PDS5B: variants seen among roughly 807,000 people sequenced by gnomAD.
The protein encoded by PDS5B is sister chromatid cohesion protein PDS5 homolog B.
PDS5B carries 51 observed loss-of-function variants against 184.1 expected under a neutral mutation model. That is an observed-to-expected ratio of 0.28 (90% CI 0.22 to 0.35). The LOEUF is 0.35. PDS5B is among the 10% of genes least tolerant of loss of function. The pLI, the probability that PDS5B is intolerant of heterozygous loss-of-function variation, is 1.00. For synonymous variants in PDS5B, 566 were observed against 569.2 expected (o/e 0.99, Z 0.08); for missense variants, 1,180 against 1,723.3 (o/e 0.68, Z 5.58).
At chr13:32,668,349 T>C (rs1950853973) in intron 7 of PDS5B, among the ~76,000 whole-genome samples, 1 of 152,150 alleles carries the variant, frequency 6.6e-6, no homozygotes, top group Non-Finnish European at 1.5e-5. Context: ...TAAATCTATC[T>C]TTTCTGGAAA....
chr13:32,649,507 G>C (rs1232951477), intron 2 of PDS5B: 1 of 152,088 alleles, frequency 6.6e-6, no homozygotes, highest in African/African-American at 2.4e-5. Flanking sequence ...AGTTTAGATG[G>C]TCTTTATTTT....
chr13:32,723,346 T>C (rs1419419372), intron 19 of PDS5B, among the ~76,000 whole-genome samples: 2 of 152,340 alleles, frequency 1.3e-5, no homozygotes, highest in East Asian at 3.9e-4. Context: ...GAGTTTTTTC[T>C]TTAGGGTTTC....
chr13:32,675,760 C>A, intron 8 of PDS5B, 84 bp from the exon 9 acceptor site: 1 of 698,006 alleles, frequency 1.4e-6, no homozygotes, highest in African/African-American at 1.7e-5. Context: ...ATTGGAGCAT[C>A]AGGGAAATTA....
At chr13:32,603,613 T>A (rs2058013076) in intron 1 of PDS5B, among the ~76,000 whole-genome samples, 1 of 152,148 alleles carries the variant, frequency 6.6e-6, no homozygotes, top group East Asian at 1.9e-4. Flanking sequence ...TTTGAAGTAG[T>A]TTTTCCCAAT....
intron 19 of PDS5B, among the ~76,000 whole-genome samples, chr13:32,726,482 A>C (rs984080288): frequency 6.6e-6 from 1 of 152,170 alleles, no homozygotes; most frequent in Admixed American, 6.5e-5. Flanking sequence ...ATGCATGTAC[A>C]ATTTTGCTAG....
chr13:32,713,279 A>G (rs1005799269), intron 19 of PDS5B, among the ~76,000 whole-genome samples: 2 of 152,226 alleles, frequency 1.3e-5, no homozygotes, highest in African/African-American at 4.8e-5. Context: ...GATGCTAACT[A>G]TACTTTTGTT....
rs1227575650 is a variant in PDS5B, at chr13:32,602,198, TCG to T, written c.-20+15606_-20+15607del. On this transcript the variant is annotated intron_variant, in intron 1 of 34. Transcript: ENST00000315596. ...ATGTTGGTGTGCTGCACCTGTTAAC[TCG>T]TCATTTACATTAGGTATATCTCCTA... Among the ~76,000 whole-genome samples, 143 of 152,262 alleles carry T rather than the reference TCG, an allele frequency of 9.4e-4. 1 individual carries two copies. Among genetic ancestry groups the T allele is most frequent in the South Asian group, 7.9e-3 (38 of 4,828 alleles).
chr13:32,665,060 T>C (rs1950748464), intron 6 of PDS5B, among the ~76,000 whole-genome samples: 1 of 152,134 alleles, frequency 6.6e-6, no homozygotes, highest in Non-Finnish European at 1.5e-5. Context: ...AAGGGACATA[T>C]GGAAATAATG....
At chr13:32,653,319 C>G (rs1950418351) in intron 3 of PDS5B, among the ~76,000 whole-genome samples, 1 of 152,028 alleles carries the variant, frequency 6.6e-6, no homozygotes, top group Admixed American at 6.6e-5. Context: ...ATTGTGGAAA[C>G]TATGGGTTAG....
chr13:32,588,668 C>A (rs371785727), intron 1 of PDS5B, among the ~76,000 whole-genome samples: 1 of 152,074 alleles, frequency 6.6e-6, no homozygotes, highest in East Asian at 1.9e-4. Flanking sequence ...ATGTCTCTCC[C>A]CTCTCCCCAT....
Position 32,773,305 on chromosome 13 carries a change from AG to A in PDS5B, c.4291del (p.Glu1431LysfsTer5). ...ATTCCACAGGAAGAAACAGAGGAGG[AG>A]GAAGTTTCTACAGTAAATGTATGTG... ...DDIPQEETEE[E>X]EVSTVNVRRR... On this transcript the variant is annotated frameshift_variant, in exon 34 of 35. Transcript: ENST00000315596. LOFTEE classifies it high-confidence loss of function. 1 of 1,612,410 alleles carries A rather than the reference AG, an allele frequency of 6.2e-7. No individual in the cohort carries two copies. The highest frequency in any genetic ancestry group is 8.5e-7 in the Non-Finnish European group (1 of 1,179,234).
intron 19 of PDS5B, among the ~76,000 whole-genome samples, chr13:32,720,980 C>G (rs1421779844): frequency 7.2e-5 from 11 of 152,156 alleles, no homozygotes; most frequent in African/African-American, 2.7e-4. Context: ...AGATTAACAG[C>G]ATCCCAAGGC....
intron 1 of PDS5B, among the ~76,000 whole-genome samples, chr13:32,586,973 C>T (rs2140448143): frequency 7.1e-6 from 1 of 140,330 alleles, no homozygotes; most frequent in South Asian, 2.3e-4. Flanking sequence ...TCGGGGCCGC[C>T]CGGCCGCCCG....
intron 1 of PDS5B, among the ~76,000 whole-genome samples, chr13:32,628,542 C>T (rs1266993344): frequency 7.1e-6 from 1 of 141,270 alleles, no homozygotes; most frequent in Non-Finnish European, 1.6e-5. Context: ...AGAGAGACTC[C>T]CATCTCAGGG....
At chr13:32,712,220 C>T (rs1952231686) in intron 19 of PDS5B, among the ~76,000 whole-genome samples, 1 of 152,104 alleles carries the variant, frequency 6.6e-6, no homozygotes, top group Admixed American at 6.5e-5. Flanking sequence ...AAAAGGTGGA[C>T]ATTTTAAAAT....
Position 32,770,783 on chromosome 13 carries a change from T to G in PDS5B, c.4172+22T>G, listed in dbSNP as rs540994272. 1.0e-5 allele frequency: 16 copies of G among 1,529,130 alleles called. No homozygotes were observed. In the African/African-American group the frequency reaches 2.1e-4, roughly 20 times the overall value. The allele number at this position is 1,529,130 out of a possible 1,614,324, so 94.7% of individuals were successfully genotyped here. On this transcript the variant is annotated intron_variant, in intron 33 of 34. Transcript: ENST00000315596. ...ATGTGTAAGTTGTAAATATTACATT[T>G]CAAACCAATTTCAAATTATTTTGCA...
chr13:32,706,146 C>T (rs575684253), intron 17 of PDS5B, among the ~76,000 whole-genome samples: 82 of 151,942 alleles, frequency 5.4e-4, no homozygotes, highest in Non-Finnish European at 1.0e-3. Flanking sequence ...GGTTTGTTGG[C>T]GCGCACCTGT....
At chr13:32,773,098 T>A in intron 33 of PDS5B, 91 bp from the exon 34 acceptor site, 1 of 1,084,122 alleles carries the variant, frequency 9.2e-7, no homozygotes, top group Non-Finnish European at 1.3e-6. Flanking sequence ...AAAGATGATA[T>A]GACGATGAAA....
chr13:32,676,010 GT>G, intron 9 of PDS5B, 51 bp downstream of exon 9: 4 of 976,594 alleles, frequency 4.1e-6, no homozygotes, highest in South Asian at 1.4e-5. Context: ...TCTACTGACC[GT>G]TTTTTTAAGA....
Sources: allele counts gnomAD v4.1 joint callset (sites outside exome capture counted in the v4.1 genomes callset), GRCh38; gene constraint gnomAD v4.1.1; transcripts MANE v1.5; gene names NCBI Gene and HGNC (gene_info 2026-07-23, HGNC 2026-07-21).